DIP2C: variants seen among roughly 807,000 people sequenced by gnomAD.
DIP2C encodes DIP2 acetate--CoA ligase C (putative).
In DIP2C, 33 loss-of-function variants were observed where a neutral mutation model predicts 192.4. The ratio of observed to expected loss-of-function variants is 0.17; its 90% CI spans 0.13 to 0.23. DIP2C has a LOEUF of 0.23. DIP2C is among the 10% of genes least tolerant of loss of function. The probability of loss-of-function intolerance (pLI) is 1.00; values close to 1 mark genes in which losing one functional copy is unlikely to be tolerated. For synonymous variants in DIP2C, 979 were observed against 864.1 expected (o/e 1.13, Z -2.33); for missense variants, 1,537 against 2,110.1 (o/e 0.73, Z 5.32).
intron 1 of DIP2C, among the ~76,000 whole-genome samples, chr10:662,600 A>C (rs372645637): frequency 6.6e-5 from 10 of 152,370 alleles, no homozygotes; most frequent in African/African-American, 1.9e-4. Flanking sequence ...AGAGTAATTG[A>C]TTGGATAAAA....
chr10:366,305 G>T lies in DIP2C; in HGVS notation c.2238C>A (p.Gly746=), dbSNP rs765608452. ...CAVATGTSYY[G]LSGMTKNTFE... Reference sequence around the variant, plus strand: ...AGGTGTTCTTGGTCATGCCAGAGAGGCCATAGTAGGACGTGCCCGTCGCAA... The same window carrying T: ...AGGTGTTCTTGGTCATGCCAGAGAGTCCATAGTAGGACGTGCCCGTCGCAA... Residue 746 remains glycine (G), a synonymous_variant, in exon 19 of 37, where the codon GGC becomes GGA. Coordinates refer to ENST00000280886, the MANE Select transcript of DIP2C (RefSeq NM_014974.3). 2 of 1,613,788 alleles carry T rather than the reference G, an allele frequency of 1.2e-6. No homozygotes were observed. Among genetic ancestry groups the T allele is most frequent in the Non-Finnish European group, 8.5e-7 (1 of 1,179,886 alleles).
chr10:684,028 G>A (rs115632950), intron 1 of DIP2C, among the ~76,000 whole-genome samples: 1,708 of 152,332 alleles, frequency 0.011, 27 homozygotes, highest in African/African-American at 0.039. Flanking sequence ...GGCCCCTAAC[G>A]GCACCTGGAG....
rs777858089 is a variant in DIP2C, at chr10:650,905, A to T, written c.85+38589T>A. 61 of 717,484 alleles carry T rather than the reference A, an allele frequency of 8.5e-5. 1 individual carries two copies. The South Asian group carries it at 8.9e-4, about 10-fold the overall frequency. 44.4% of individuals were successfully genotyped at this position (717,484 alleles called of 1,614,324 possible). A position where few individuals can be genotyped will look rare whatever the true frequency, so the allele number is the denominator to read the frequency against. On this transcript the variant is annotated intron_variant, in intron 1 of 36. Coordinates refer to ENST00000280886, the MANE Select transcript of DIP2C (RefSeq NM_014974.3). ...TGGGATTCGTGGGCCTCACGGGGGA[A>T]GCTGAGGGTGTGTCCATGCAGGACC...
intron 1 of DIP2C, among the ~76,000 whole-genome samples, chr10:609,156 C>A (rs902222373): frequency 6.6e-6 from 1 of 152,142 alleles, no homozygotes; most frequent in African/African-American, 2.4e-5. Context: ...CCAAGACAAA[C>A]ATGACTACAA....
chr10:604,651 TTA>T (rs1271862373), intron 1 of DIP2C, among the ~76,000 whole-genome samples: 3 of 152,254 alleles, frequency 2.0e-5, no homozygotes, highest in East Asian at 1.9e-4. Context: ...CTTCTCTTGA[TTA>T]TAGTTTTTAT....
intron 3 of DIP2C, 72 bp from the exon 4 acceptor site, chr10:441,068 G>C (rs1967689537): frequency 6.5e-7 from 1 of 1,530,846 alleles, no homozygotes; most frequent in Non-Finnish European, 8.7e-7. Flanking sequence ...CCTCCTCTCT[G>C]TCCCTGCAGC....
chr10:323,973 C>T (rs1006214802), intron 31 of DIP2C, among the ~76,000 whole-genome samples: 5 of 152,064 alleles, frequency 3.3e-5, no homozygotes, highest in Non-Finnish European at 7.4e-5. Context: ...ATGAGTGTTT[C>T]CAAAGACCAG....
chr10:579,177 G>C (rs1482220842), intron 1 of DIP2C, among the ~76,000 whole-genome samples: 1 of 151,036 alleles, frequency 6.6e-6, no homozygotes, highest in Non-Finnish European at 1.5e-5. Flanking sequence ...ACAAACCTAA[G>C]TGCACTATAA....
At chr10:619,994 C>T (rs1371905800) in intron 1 of DIP2C, among the ~76,000 whole-genome samples, 11 of 152,182 alleles carry the variant, frequency 7.2e-5, no homozygotes, top group Admixed American at 6.5e-4. Context: ...AGCACATCAC[C>T]GGCAAGACAC....
At chr10:286,508 C>CCACAGCCTCACAAT (rs370960470) in intron 33 of DIP2C, among the ~76,000 whole-genome samples, 161 bp from the exon 34 acceptor site, 1 of 151,696 alleles carries the variant, frequency 6.6e-6, no homozygotes, top group Non-Finnish European at 1.5e-5. Flanking sequence ...CATTATACAA[C>CCACAGCCTCACAAT]CACAGCCTCA....
intron 9 of DIP2C, among the ~76,000 whole-genome samples, chr10:407,230 T>C (rs1342448556): frequency 6.6e-6 from 1 of 152,240 alleles, no homozygotes; most frequent in Non-Finnish European, 1.5e-5. Context: ...AATCACGCAA[T>C]ACCTGTTTTG....
At chr10:518,532 G>T (rs906071409) in intron 1 of DIP2C, among the ~76,000 whole-genome samples, 3 of 152,152 alleles carry the variant, frequency 2.0e-5, no homozygotes, top group Non-Finnish European at 2.9e-5. Context: ...CCATGAATGG[G>T]GTTTGTGCCT....
chr10:279,139 G>A (rs980918516), intron 36 of DIP2C, among the ~76,000 whole-genome samples: 1 of 152,170 alleles, frequency 6.6e-6, no homozygotes, highest in Admixed American at 6.5e-5. Flanking sequence ...TTTGCTTTGT[G>A]ACTGCCGCAT....
At chr10:599,675 G>A (rs1052838045) in intron 1 of DIP2C, among the ~76,000 whole-genome samples, 1 of 152,188 alleles carries the variant, frequency 6.6e-6, no homozygotes, top group Non-Finnish European at 1.5e-5. Context: ...ACCCCCTGGG[G>A]CCACAGAGCC....
intron 1 of DIP2C, among the ~76,000 whole-genome samples, chr10:533,284 T>TA: frequency 6.6e-6 from 1 of 152,050 alleles, no homozygotes; most frequent in Non-Finnish European, 1.5e-5. Flanking sequence ...ACCAACACTT[T>TA]ACGAGGCAAT....
At chr10:324,828 C>G (rs553240110) in intron 31 of DIP2C, 8 of 462,586 alleles carry the variant, frequency 1.7e-5, no homozygotes, top group South Asian at 1.3e-4. Context: ...CTTCAGAAGC[C>G]TTGTGGAAAA....
chr10:624,942 C>G (rs1000349783), intron 1 of DIP2C, among the ~76,000 whole-genome samples: 3 of 152,160 alleles, frequency 2.0e-5, no homozygotes, highest in African/African-American at 7.2e-5. Context: ...CGCTCGGTGC[C>G]CTGAAGGCCC....
At chr10:429,899 C>T (rs1294146539) in intron 4 of DIP2C, among the ~76,000 whole-genome samples, 1 of 152,080 alleles carries the variant, frequency 6.6e-6, no homozygotes, top group Non-Finnish European at 1.5e-5. Context: ...GAGCAAATGC[C>T]AAGGAGTGTA....
chr10:647,144 A>G (rs977165038), intron 1 of DIP2C, among the ~76,000 whole-genome samples: 1 of 151,946 alleles, frequency 6.6e-6, no homozygotes, highest in Non-Finnish European at 1.5e-5. Context: ...GTGGGAGAGA[A>G]CAGAGGAAAA....
Sources: allele counts gnomAD v4.1 joint callset (sites outside exome capture counted in the v4.1 genomes callset), GRCh38; gene constraint gnomAD v4.1.1; transcripts MANE v1.5; gene names NCBI Gene and HGNC (gene_info 2026-07-23, HGNC 2026-07-21).